Variants in COL6A5 observed in about 807,000 individuals in gnomAD.
The protein encoded by COL6A5 is collagen alpha-5(VI) chain.
Under a neutral mutation model 65.6 loss-of-function variants are expected in COL6A5, and 48 were observed. The ratio of observed to expected loss-of-function variants is 0.73; its 90% CI spans 0.58 to 0.93. The LOEUF (loss-of-function observed/expected upper bound fraction) is 0.93, where lower values mean the gene tolerates loss of function less well. Ranked by LOEUF, COL6A5 falls within the 40% of genes least tolerant of loss-of-function variation. COL6A5 has a pLI of 0.00. For synonymous variants in COL6A5, 291 were observed against 322.8 expected (o/e 0.90, Z 1.05); for missense variants, 914 against 928.3 (o/e 0.98, Z 0.20).
intron 5 of COL6A5, among the ~76,000 whole-genome samples, chr3:130,457,981 C>A (rs1709615623): frequency 6.6e-6 from 1 of 152,108 alleles, no homozygotes. Context: ...GAGCTTTCTG[C>A]TCTTAAACTG....
intron 7 of COL6A5, among the ~76,000 whole-genome samples, chr3:130,475,214 G>GA (rs1246339883): frequency 1.3e-5 from 2 of 150,642 alleles, no homozygotes; most frequent in Non-Finnish European, 3.0e-5. Flanking sequence ...GATTCATGCA[G>GA]AAAAAATATT....
At chr3:130,399,689 A>T (rs1229384999) in intron 10 of COL6A5, among the ~76,000 whole-genome samples, 2 of 149,708 alleles carry the variant, frequency 1.3e-5, no homozygotes, top group Non-Finnish European at 1.5e-5. Context: ...TCTTATATTC[A>T]GTGTTCCAGG....
At chr3:130,421,401 C>T (rs376915022) in intron 27 of COL6A5, 41 bp downstream of exon 27, 250 of 1,540,080 alleles carry the variant, frequency 1.6e-4, no homozygotes, top group East Asian at 4.4e-4. Context: ...ATGATCTTAA[C>T]CTTCTACTTG....
chr3:130,469,203 G>A (rs370673235), exon 6 of COL6A5: 5 of 1,613,058 alleles, frequency 3.1e-6, no homozygotes, highest in Non-Finnish European at 3.4e-6. Context: ...GTCTTTGTAG[G>A]AACCCCCAAT....
chr3:130,443,205 A>G (rs1235596305), intron 3 of COL6A5, among the ~76,000 whole-genome samples: 1 of 152,156 alleles, frequency 6.6e-6, no homozygotes, highest in East Asian at 1.9e-4. Context: ...TGTGAAAATC[A>G]TGTTTCCCTG....
exon 4 of COL6A5, chr3:130,379,808 A>C (rs1479098451): frequency 6.4e-7 from 1 of 1,551,360 alleles, no homozygotes. Flanking sequence ...TCAGATGATG[A>C]GGTGCATGAT....
chr3:130,368,378 C>T (rs916169280), intron 1 of COL6A5, among the ~76,000 whole-genome samples: 4 of 152,142 alleles, frequency 2.6e-5, no homozygotes, highest in African/African-American at 9.7e-5. Flanking sequence ...TAATCACTTC[C>T]TCAGTAATTA....
chr3:130,463,863 G>T (rs1440950482), intron 5 of COL6A5, among the ~76,000 whole-genome samples: 1 of 151,998 alleles, frequency 6.6e-6, no homozygotes, highest in Non-Finnish European at 1.5e-5. Context: ...AGTTTTCAAG[G>T]TACATCATCC....
chr3:130,409,315 A>AT lies in COL6A5; in HGVS notation c.4480-4dup, dbSNP rs1937100061. 3 of 1,534,468 alleles carry AT rather than the reference A, an allele frequency of 2.0e-6. No individual in the cohort carries two copies. Among genetic ancestry groups the AT allele is most frequent in the Non-Finnish European group, 1.8e-6 (2 of 1,140,744 alleles). On this transcript the variant is annotated splice_polypyrimidine_tract_variant and intron_variant and NMD_transcript_variant, in intron 17 of 41. Transcript: ENST00000312481. ...ACAAGCTAACTCAGAAATTCATTTC[A>AT]TTTTTTTCAGGGCAGCCCAGGTTCC...
chr3:130,472,858 T>TATATATATATATAC (rs1198559167), intron 7 of COL6A5, among the ~76,000 whole-genome samples: 39 of 141,846 alleles, frequency 2.7e-4, no homozygotes, highest in East Asian at 1.0e-3. Context: ...TATATATATA[T>TATATATATATATAC]ACACATTTAT....
intron 4 of COL6A5, among the ~76,000 whole-genome samples, chr3:130,443,893 G>A (rs1368942169): frequency 6.6e-6 from 1 of 151,920 alleles, no homozygotes; most frequent in Non-Finnish European, 1.5e-5. Flanking sequence ...ATGAGTTCTG[G>A]TCACACTGAA....
intron 4 of COL6A5, 62 bp downstream of exon 4, chr3:130,380,112 G>A (rs769844856): frequency 7.2e-5 from 86 of 1,196,844 alleles, no homozygotes; most frequent in Non-Finnish European, 9.4e-5. Flanking sequence ...CTAGGACTAG[G>A]GTGGGAGTGA....
At chr3:130,403,470 TC>T (rs1936879645) in intron 12 of COL6A5, 138 bp from the exon 13 acceptor site, 2 of 662,496 alleles carry the variant, frequency 3.0e-6, no homozygotes, top group Non-Finnish European at 5.3e-6. Context: ...TGTCAGATTC[TC>T]CCCAAACTCA....
At chr3:130,423,747 T>G (rs1417683375) in intron 28 of COL6A5, 91 bp from the exon 29 acceptor site, 1 of 988,490 alleles carries the variant, frequency 1.0e-6, no homozygotes, top group East Asian at 2.7e-5. Flanking sequence ...TTTAAAATTT[T>G]TTTTAAAATT....
intron 7 of COL6A5, among the ~76,000 whole-genome samples, chr3:130,392,612 C>A (rs60460040): frequency 0.23 from 35,670 of 151,940 alleles, 5,516 homozygotes; most frequent in East Asian, 0.61. Flanking sequence ...CCTCTTGTTT[C>A]TTTCCTCCTT....
chr3:130,441,466 G>A lies in COL6A5; in HGVS notation c.1241+641G>A, dbSNP rs559505361. On this transcript the variant is annotated intron_variant, in intron 3 of 7. Transcript: ENST00000512836. ...AAAGAAATAAACACACAAATTGAGA[G>A]TAAACATCTAGAAACTTTTAAGGCA... Among the ~76,000 whole-genome samples the A allele has an allele frequency of 8.5e-4, 130 of 152,276 alleles. 1 individual carries two copies. Among genetic ancestry groups the A allele is most frequent in the African/African-American group, 2.8e-3 (117 of 41,564 alleles).
In COL6A5 at chr3:130,440,261, G is replaced by C. The variant is rs778043297; in HGVS notation, c.679G>C (p.Ala227Pro). The C allele has an allele frequency of 1.1e-5, 17 of 1,613,180 alleles. No individual in the cohort carries two copies. Among genetic ancestry groups the C allele is most frequent in the Middle Eastern group, 3.3e-4 (2 of 6,080 alleles). The change falls in exon 3 of 8, where the codon GCA becomes CCA. Residue 227 changes from alanine (A) to proline (P), a missense_variant. By Grantham distance (27) the Ala-to-Pro change is conservative. Transcript: ENST00000512836. ...CCTCATAGACAATTCTCGGAATATA[G>C]CAAAGGATGAGTTTAAGGCTGTGAA... is the stretch of plus-strand genomic sequence containing the variant.
At chr3:130,463,015 T>C (rs1167678170) in intron 5 of COL6A5, among the ~76,000 whole-genome samples, 5 of 152,080 alleles carry the variant, frequency 3.3e-5, no homozygotes, top group African/African-American at 1.2e-4. Flanking sequence ...GGTTTGCTCA[T>C]CTGTAAAATG....
intron 1 of COL6A5, among the ~76,000 whole-genome samples, chr3:130,434,804 A>G (rs1937972937): frequency 6.6e-6 from 1 of 151,944 alleles, no homozygotes; most frequent in South Asian, 2.1e-4. Flanking sequence ...TTTTCTTGCA[A>G]ATATGTTTAA....
Sources: gnomAD v4.1 joint callset for allele counts (sites outside exome capture counted in the v4.1 genomes callset) on GRCh38, gnomAD v4.1.1 for gene constraint, MANE v1.5 for transcripts, NCBI Gene and HGNC (gene_info 2026-07-23, HGNC 2026-07-21) for gene names.